FAH: variants seen among roughly 807,000 people sequenced by gnomAD.
FAH encodes the protein fumarylacetoacetate hydrolase, also known as fumarylacetoacetase.
A neutral mutation model predicts 55.8 loss-of-function variants in FAH; 47 were observed. That is an observed-to-expected ratio of 0.84 (90% CI 0.67 to 1.07). The LOEUF (loss-of-function observed/expected upper bound fraction) is 1.07, where lower values mean the gene tolerates loss of function less well. Ranked by LOEUF, FAH falls within the 50% of genes least tolerant of loss-of-function variation. The pLI, the probability that FAH is intolerant of heterozygous loss-of-function variation, is 0.00. For synonymous variants in FAH, 199 were observed against 207.7 expected (o/e 0.96, Z 0.36); for missense variants, 495 against 545.9 (o/e 0.91, Z 0.93).
chr15:80,174,353 C>T (rs1252934134), intron 9 of FAH, among the ~76,000 whole-genome samples: 2 of 152,208 alleles, frequency 1.3e-5, no homozygotes, highest in African/African-American at 4.8e-5. Context: ...CCCCTCTGAA[C>T]TATTATTTAC....
chr15:80,152,876 C>T, upstream of FAH: 1 of 547,628 alleles, frequency 1.8e-6, no homozygotes, highest in Non-Finnish European at 3.2e-6. Flanking sequence ...GGTTCGGGGG[C>T]GGGGTGTTCA....
intron 1 of FAH, among the ~76,000 whole-genome samples, chr15:80,155,344 G>A (rs750554157): frequency 8.5e-5 from 13 of 152,290 alleles, no homozygotes; most frequent in Non-Finnish European, 1.6e-4. Flanking sequence ...GTCTGTTCTT[G>A]TGGTGAGAGA....
chr15:80,163,109 A>G (rs1277513857), intron 5 of FAH: 1 of 152,680 alleles, frequency 6.5e-6, no homozygotes, highest in East Asian at 1.9e-4. Context: ...AGGCTATGCC[A>G]TGAGGGGAGG....
intron 5 of FAH, chr15:80,162,537 G>T: frequency 1.6e-6 from 1 of 635,854 alleles, no homozygotes; most frequent in Non-Finnish European, 2.8e-6. Context: ...TGGGATCGAA[G>T]GGCAAGTCCC....
chr15:80,156,694 A>G (rs1480507855), intron 1 of FAH: 1 of 152,142 alleles, frequency 6.6e-6, no homozygotes, highest in Non-Finnish European at 1.5e-5. Flanking sequence ...TGAATGAGGG[A>G]GCAGACTTGG....
chr15:80,183,455 C>T (rs1472815869), intron 13 of FAH, among the ~76,000 whole-genome samples: 2 of 152,204 alleles, frequency 1.3e-5, no homozygotes, highest in African/African-American at 4.8e-5. Flanking sequence ...CAAAGGTTCC[C>T]CGCATTGGCG....
At chr15:80,184,319 CAGT>C (rs556791253) in intron 13 of FAH, among the ~76,000 whole-genome samples, 26 of 152,286 alleles carry the variant, frequency 1.7e-4, no homozygotes, top group African/African-American at 5.8e-4. Flanking sequence ...CTGCGTCTCT[CAGT>C]GGTGGCGTCT....
chr15:80,154,917 G>A (rs1053379439), intron 1 of FAH, among the ~76,000 whole-genome samples: 9 of 152,072 alleles, frequency 5.9e-5, no homozygotes, highest in African/African-American at 1.9e-4. Flanking sequence ...TGGTTTTGCC[G>A]GGTGCCTTGT....
chr15:80,169,107 G>T (rs1187869279), intron 7 of FAH, among the ~76,000 whole-genome samples: 1 of 152,188 alleles, frequency 6.6e-6, no homozygotes, highest in Non-Finnish European at 1.5e-5. Context: ...ACCTGGCCGG[G>T]TGTGGTGGCT....
In FAH at chr15:80,181,175, C is replaced by T; in HGVS notation, c.1180+16C>T. ...ATCATAACAGGTGAGGGCTGCCAAACCCAGCAGCTCGTCTTCCTCCTTGCC... is the reference window on the plus strand; with the variant it reads ...ATCATAACAGGTGAGGGCTGCCAAATCCAGCAGCTCGTCTTCCTCCTTGCC... On this transcript the variant is annotated intron_variant, in intron 13 of 13. Coordinates refer to ENST00000561421, the MANE Select transcript of FAH (RefSeq NM_000137.4). 1 of 1,554,820 alleles carries T rather than the reference C, an allele frequency of 6.4e-7. No homozygotes were observed. Among genetic ancestry groups the T allele is most frequent in the Non-Finnish European group, 8.9e-7 (1 of 1,126,594 alleles).
Position 80,181,165 on chromosome 15 carries a change from G to A in FAH, c.1180+6G>A. The A allele has an allele frequency of 6.3e-7, 1 of 1,596,900 alleles. No homozygotes were observed. Among genetic ancestry groups the A allele is most frequent in the Non-Finnish European group, 8.6e-7 (1 of 1,164,820 alleles). On this transcript the variant is annotated splice_donor_region_variant and intron_variant, in intron 13 of 13. Coordinates refer to ENST00000561421, the MANE Select transcript of FAH (RefSeq NM_000137.4). ...GGATGAAGTCATCATAACAGGTGAGGGCTGCCAAACCCAGCAGCTCGTCTT... is the reference window on the plus strand; with the variant it reads ...GGATGAAGTCATCATAACAGGTGAGAGCTGCCAAACCCAGCAGCTCGTCTT...
Position 80,172,268 on chromosome 15 carries a change from T to C in FAH, c.706+20T>C. 3.8e-6 allele frequency: 6 copies of C among 1,560,452 alleles called. No homozygotes were observed. Among genetic ancestry groups the C allele is most frequent in the Non-Finnish European group, 5.3e-6 (6 of 1,131,202 alleles). ...GGAGTGGTAATTACTGGAGCTCTGC[T>C]CCTGTAGAGATGACGGGGAGGAGGC... is the stretch of plus-strand genomic sequence containing the variant. On this transcript the variant is annotated intron_variant, in intron 8 of 13. Coordinates refer to ENST00000561421, the MANE Select transcript of FAH (RefSeq NM_000137.4).
At chr15:80,179,856 G>T (rs1405197286) in intron 11 of FAH, among the ~76,000 whole-genome samples, 2 of 152,182 alleles carry the variant, frequency 1.3e-5, no homozygotes, top group Non-Finnish European at 2.9e-5. Flanking sequence ...GCTTGGAGAA[G>T]GTGGTCAGTG....
At chr15:80,158,234 G>A in intron 2 of FAH, 64 bp downstream of exon 2, 1 of 1,107,990 alleles carries the variant, frequency 9.0e-7, no homozygotes, top group Non-Finnish European at 1.4e-6. Flanking sequence ...GCCAACAAGA[G>A]AATGCTCCTT....
At chr15:80,176,286 G>C (rs2041283472) in intron 10 of FAH, among the ~76,000 whole-genome samples, 1 of 152,206 alleles carries the variant, frequency 6.6e-6, no homozygotes, top group Non-Finnish European at 1.5e-5. Context: ...AAAGTGCTGG[G>C]ATTACAGGCG....
chr15:80,185,142 A>T (rs1210154412), intron 13 of FAH, among the ~76,000 whole-genome samples: 1 of 152,210 alleles, frequency 6.6e-6, no homozygotes, highest in African/African-American at 2.4e-5. Flanking sequence ...ACCTTGAGAG[A>T]TAAGCGTTGT....
chr15:80,164,531 C>G (rs2041175864), intron 5 of FAH, among the ~76,000 whole-genome samples: 1 of 150,772 alleles, frequency 6.6e-6, no homozygotes, highest in African/African-American at 2.4e-5. Context: ...TTCAGCTTAA[C>G]ACACACACAC....
chr15:80,159,478 G>T (rs556424648), intron 2 of FAH, among the ~76,000 whole-genome samples: 1 of 152,186 alleles, frequency 6.6e-6, no homozygotes, highest in South Asian at 2.1e-4. Context: ...TCAACTGTGG[G>T]CCGGGCCAAG....
At position 80,172,450 on chromosome 15, in the gene FAH, C is replaced by CAT. The variant is rs3837742; in HGVS notation, c.706+202_706+203insAT. 0.32 allele frequency among the ~76,000 whole-genome samples: 48,057 copies of CAT among 151,886 alleles called. 8,345 individuals are homozygous for CAT. Among genetic ancestry groups the CAT allele is most frequent in the East Asian group, 0.48 (2,458 of 5,140 alleles). On this transcript the variant is annotated intron_variant, in intron 8 of 13. Coordinates refer to ENST00000561421, the MANE Select transcript of FAH (RefSeq NM_000137.4). ...TAACTCCTCTGAGCTCCAATTTTCTCGAGTGGCTAGGGACACGGCTGACAT... is the reference window on the plus strand; with the variant it reads ...TAACTCCTCTGAGCTCCAATTTTCTCATGAGTGGCTAGGGACACGGCTGACAT...
Sources: gnomAD v4.1 joint callset for allele counts (sites outside exome capture counted in the v4.1 genomes callset) on GRCh38, gnomAD v4.1.1 for gene constraint, MANE v1.5 for transcripts, NCBI Gene and HGNC (gene_info 2026-07-23, HGNC 2026-07-21) for gene names.